The following RORB variants were observed in gnomAD, a reference collection of about 807,000 sequenced individuals.
RORB encodes nuclear receptor ROR-beta.
A neutral mutation model predicts 59.1 loss-of-function variants in RORB; 6 were observed. The ratio of observed to expected loss-of-function variants is 0.10; its 90% CI spans 0.06 to 0.20. The LOEUF is 0.20. Ranked by LOEUF, RORB falls within the 10% of genes least tolerant of loss-of-function variation. RORB has a pLI of 1.00. For synonymous variants in RORB, 215 were observed against 204.5 expected, an observed-to-expected ratio of 1.05 and a Z score of -0.44; for missense variants, 320 against 560.5, an observed-to-expected ratio of 0.57 and a Z score of 4.33.
chr9:74,538,466 GA>G (rs1240356622), intron 1 of RORB, among the ~76,000 whole-genome samples: 1 of 151,948 alleles, frequency 6.6e-6, no homozygotes, highest in Non-Finnish European at 1.5e-5. Context: ...GAAAAGCAGG[GA>G]AAAAATTTCA....
chr9:74,616,646 AT>A (rs1235197269), intron 1 of RORB, among the ~76,000 whole-genome samples: 5 of 152,230 alleles, frequency 3.3e-5, no homozygotes, highest in African/African-American at 1.2e-4. Context: ...TCAGAAATTA[AT>A]AACACTAGAC....
chr9:74,676,044 C>T (rs1050504513), intron 9 of RORB, among the ~76,000 whole-genome samples: 5 of 152,192 alleles, frequency 3.3e-5, no homozygotes, highest in African/African-American at 9.7e-5. Flanking sequence ...AAGGCCGGTC[C>T]AGCTGGGGCC....
chr9:74,681,776 C>T lies in RORB; in HGVS notation c.1225-3687C>T, dbSNP rs1330774254. On this transcript the variant is annotated intron_variant, in intron 9 of 9. Coordinates refer to ENST00000376896, the MANE Select transcript of RORB (RefSeq NM_006914.4). ...CTTATACATTTCATGTCACACACCA[C>T]CCTGTCACTAAAGGAGCAGAAAAAA... Among the ~76,000 whole-genome samples the T allele has an allele frequency of 2.0e-5, 3 of 152,150 alleles. No homozygotes were observed. The East Asian group carries it at 5.8e-4, about 29-fold the overall frequency.
chr9:74,653,496 G>C (rs1001164869), intron 4 of RORB, among the ~76,000 whole-genome samples: 1 of 151,468 alleles, frequency 6.6e-6, no homozygotes, highest in African/African-American at 2.4e-5. Flanking sequence ...AAAATGAATA[G>C]AGGGTATAGT....
intron 4 of RORB, among the ~76,000 whole-genome samples, chr9:74,656,351 T>C (rs1435659502): frequency 1.3e-5 from 2 of 152,210 alleles, no homozygotes; most frequent in African/African-American, 2.4e-5. Context: ...ACCTTCCTCA[T>C]AGCTGGTGTG....
At chr9:74,683,317 A>G (rs567004438) in intron 9 of RORB, among the ~76,000 whole-genome samples, 23 of 152,286 alleles carry the variant, frequency 1.5e-4, no homozygotes, top group African/African-American at 5.5e-4. Flanking sequence ...GAGAGTTTGA[A>G]TAATTTCCCA....
intron 4 of RORB, among the ~76,000 whole-genome samples, chr9:74,643,647 G>T (rs939248510): frequency 6.6e-6 from 1 of 152,192 alleles, no homozygotes; most frequent in African/African-American, 2.4e-5. Flanking sequence ...TGGGTAACAG[G>T]GTTGCATGTT....
chr9:74,662,362 C>A, intron 5 of RORB, 112 bp from the exon 6 acceptor site: 2 of 964,326 alleles, frequency 2.1e-6, no homozygotes, highest in Non-Finnish European at 3.1e-6. Context: ...CATATAAATT[C>A]CCTCCTTTGG....
chr9:74,600,859 G>T (rs1431360937), intron 1 of RORB, among the ~76,000 whole-genome samples: 1 of 152,116 alleles, frequency 6.6e-6, no homozygotes. Flanking sequence ...ATCTAGGGTT[G>T]AGCAGATTTC....
intron 1 of RORB, among the ~76,000 whole-genome samples, chr9:74,523,205 C>T (rs1361398066): frequency 4.0e-5 from 6 of 151,740 alleles, no homozygotes; most frequent in Non-Finnish European, 2.9e-5. Context: ...TCATAGTTCT[C>T]TCCCTTAAGA....
Position 74,617,602 on chromosome 9 carries a change from G to A in RORB, c.8-12680G>A, listed in dbSNP as rs115181818. Among the ~76,000 whole-genome samples, 821 of 152,280 alleles carry A rather than the reference G, an allele frequency of 5.4e-3. 10 individuals are homozygous for A. The highest frequency in any genetic ancestry group is 0.019 in the African/African-American group (783 of 41,564). The stretch of plus-strand genomic sequence containing the variant: ...GAAAGTGTGCAGTATCAGCAGAACA[G>A]GCGCTTCAGTCTTTGAGGGAGCTAT... On this transcript the variant is annotated intron_variant, in intron 1 of 9. Transcript: ENST00000376896.
chr9:74,662,805 T>G (rs975099330), intron 6 of RORB, among the ~76,000 whole-genome samples, 199 bp downstream of exon 6: 2 of 152,162 alleles, frequency 1.3e-5, no homozygotes, highest in African/African-American at 4.8e-5. Context: ...TCAAATACAA[T>G]TTTGCTTATT....
At position 74,654,236 on chromosome 9, in the gene RORB, T is replaced by C. The variant is rs184664713; in HGVS notation, c.638-6381T>C. On this transcript the variant is annotated intron_variant, in intron 4 of 9. Coordinates refer to ENST00000376896, the MANE Select transcript of RORB (RefSeq NM_006914.4). ...CTCAATCATGCTGTAAATCCTTACA[T>C]TGGACTTTCTTTCTTACTTCTTTGA... Among the ~76,000 whole-genome samples, 229 of 152,312 alleles carry C rather than the reference T, an allele frequency of 1.5e-3. 1 individual carries two copies. The highest frequency in any genetic ancestry group is 5.0e-3 in the African/African-American group (206 of 41,576).
At chr9:74,614,318 C>T (rs1471365935) in intron 1 of RORB, among the ~76,000 whole-genome samples, 5 of 151,908 alleles carry the variant, frequency 3.3e-5, no homozygotes, top group Admixed American at 2.6e-4. Flanking sequence ...CCCTTTATAC[C>T]TTTGTGTATG....
At chr9:74,513,556 GA>G (rs989583635) in intron 1 of RORB, among the ~76,000 whole-genome samples, 3 of 151,836 alleles carry the variant, frequency 2.0e-5, no homozygotes, top group Admixed American at 6.6e-5. Context: ...TGTTCACAGA[GA>G]AAAAAATGGT....
At chr9:74,518,296 G>C (rs1000771648) in intron 1 of RORB, among the ~76,000 whole-genome samples, 4 of 151,930 alleles carry the variant, frequency 2.6e-5, no homozygotes, top group South Asian at 2.1e-4. Context: ...GAGGAAGATC[G>C]TTCAAAAACA....
intron 1 of RORB, among the ~76,000 whole-genome samples, chr9:74,556,952 A>AT (rs1017893881): frequency 6.6e-6 from 1 of 151,260 alleles, no homozygotes; most frequent in African/African-American, 2.4e-5. Context: ...TTTCTTGATA[A>AT]TTTTTTTTTC....
chr9:74,665,745 C>T (rs2118526496), intron 7 of RORB, 150 bp downstream of exon 7: 1 of 571,186 alleles, frequency 1.8e-6, no homozygotes, highest in East Asian at 2.9e-5. Flanking sequence ...GCTTCTAATT[C>T]AGGCAAGCCT....
chr9:74,551,241 AT>A (rs1442759793), intron 1 of RORB, among the ~76,000 whole-genome samples: 1 of 152,146 alleles, frequency 6.6e-6, no homozygotes, highest in African/African-American at 2.4e-5. Flanking sequence ...ATACAGTATG[AT>A]TTTTCCTTAT....
Sources: gnomAD v4.1 joint callset for allele counts (sites outside exome capture counted in the v4.1 genomes callset) on GRCh38, gnomAD v4.1.1 for gene constraint, MANE v1.5 for transcripts, NCBI Gene and HGNC (gene_info 2026-07-23, HGNC 2026-07-21) for gene names.